Variants in ABI3BP observed in about 807,000 individuals in gnomAD.
ABI3BP encodes target of Nesh-SH3.
Under a neutral mutation model 268.6 loss-of-function variants are expected in ABI3BP, and 216 were observed. The ratio of observed to expected loss-of-function variants is 0.80; its 90% CI spans 0.72 to 0.90. The LOEUF is 0.90. Ranked by LOEUF, ABI3BP falls within the 40% of genes least tolerant of loss-of-function variation. The probability of loss-of-function intolerance (pLI) is 0.00; values close to 1 mark genes in which losing one functional copy is unlikely to be tolerated. For missense variants in ABI3BP, 2,090 were observed against 2,182.4 expected (o/e 0.96, Z 0.84); for synonymous variants, 730 against 730.0 (o/e 1.00, Z 0.00).
rs1315044502 is a variant in ABI3BP, at chr3:100,866,823, T to C, written c.988+56A>G. The C allele has an allele frequency of 4.1e-6, 6 of 1,464,846 alleles. 1 individual carries two copies. In the East Asian group the frequency reaches 1.4e-4, roughly 33 times the overall value. 90.7% of individuals were successfully genotyped at this position (1,464,846 alleles called of 1,614,324 possible). ...CTGAAAAAAAGACTGCAGATTAGTA[T>C]TTGAAAAAAAGCATTTTTTCTTTTC... On this transcript the variant is annotated intron_variant, in intron 10 of 67. Transcript: ENST00000471714.
Position 100,816,778 on chromosome 3 carries a change from G to A in ABI3BP, c.3149-10C>T. ...CGTTGTGTTTTAGGAGCTGAAGGAA[G>A]AAACTTTGGATTACTCTAGTGCAGG... On this transcript the variant is annotated splice_polypyrimidine_tract_variant and intron_variant, in intron 42 of 67. Transcript: ENST00000471714. 6.5e-7 allele frequency: 1 copy of A among 1,535,350 alleles called. No individual in the cohort carries two copies. The highest frequency in any genetic ancestry group is 8.7e-7 in the Non-Finnish European group (1 of 1,146,374).
intron 9 of ABI3BP, among the ~76,000 whole-genome samples, chr3:100,872,503 C>T (rs1033620487): frequency 3.9e-5 from 6 of 152,294 alleles, no homozygotes; most frequent in Admixed American, 6.5e-5. Context: ...GTCTGAGAAA[C>T]AACTCTGCTC....
At chr3:100,853,253 A>T (rs1335393707) in intron 14 of ABI3BP, among the ~76,000 whole-genome samples, 3 of 152,210 alleles carry the variant, frequency 2.0e-5, no homozygotes, top group Non-Finnish European at 4.4e-5. Context: ...TGAGTTAAAG[A>T]TATGCACACA....
intron 14 of ABI3BP, among the ~76,000 whole-genome samples, chr3:100,859,394 C>A (rs1370301222): frequency 1.3e-5 from 2 of 152,116 alleles, no homozygotes; most frequent in Non-Finnish European, 2.9e-5. Flanking sequence ...TATTATGTTT[C>A]TTTAAAAGAT....
chr3:100,888,437 T>C (rs17338506), intron 4 of ABI3BP, among the ~76,000 whole-genome samples: 15,027 of 152,104 alleles, frequency 0.099, 1,040 homozygotes, highest in Non-Finnish European at 0.15. Flanking sequence ...AACAAAATTA[T>C]GCATCTCTAG....
At chr3:100,886,372 A>T (rs778260763) in intron 4 of ABI3BP, 49 bp from the exon 5 acceptor site, 2 of 1,286,172 alleles carry the variant, frequency 1.6e-6, no homozygotes, top group African/African-American at 3.1e-5. Flanking sequence ...AGGGATTCAG[A>T]ATGTTATTTC....
In ABI3BP at chr3:100,789,509, G is replaced by A; in HGVS notation, c.4032C>T (p.His1344=). 6.3e-7 allele frequency: 1 copy of A among 1,593,762 alleles called. No homozygotes were observed. The highest frequency in any genetic ancestry group is 1.1e-5 in the South Asian group (1 of 87,624). ...TELAKTTQAP[H]RFYTTVRPRT... ...TGGGCCTCACAGTAGTATAAAATCT[G>A]TGTGGCGCTGAAACAGAGGAACACT... Residue 1344 remains histidine (H), a synonymous_variant, in exon 56 of 68, where the codon CAC becomes CAT. Coordinates refer to ENST00000471714, the MANE Select transcript of ABI3BP (RefSeq NM_001375547.2).
At chr3:100,913,424 A>C (rs918293327) in intron 2 of ABI3BP, among the ~76,000 whole-genome samples, 18 of 152,208 alleles carry the variant, frequency 1.2e-4, no homozygotes, top group Admixed American at 1.1e-3. Flanking sequence ...GCAGCAACTG[A>C]AAGTCTGGAC....
At chr3:100,844,572 A>G (rs2098746190) in intron 20 of ABI3BP, 1 of 394,444 alleles carries the variant, frequency 2.5e-6, no homozygotes, top group African/African-American at 2.2e-5. Context: ...TGCTCTTCCA[A>G]ACCTTGGCTA....
intron 41 of ABI3BP, 28 bp from the exon 42 acceptor site, chr3:100,817,523 A>G: frequency 1.4e-6 from 2 of 1,388,310 alleles, no homozygotes; most frequent in Admixed American, 2.4e-5. Flanking sequence ...AATAAAGCAA[A>G]AAGATTTAAC....
chr3:100,787,103 C>T (rs1335821856), intron 57 of ABI3BP, among the ~76,000 whole-genome samples: 1 of 151,882 alleles, frequency 6.6e-6, no homozygotes, highest in Non-Finnish European at 1.5e-5. Flanking sequence ...AAATAACTAC[C>T]ATTTATCCAT....
chr3:100,776,518 A>G (rs548607635), intron 59 of ABI3BP, among the ~76,000 whole-genome samples: 11 of 152,326 alleles, frequency 7.2e-5, no homozygotes, highest in African/African-American at 2.6e-4. Context: ...GGCACATGTC[A>G]CATGGTGGCA....
chr3:100,936,512 C>T (rs1049265755), intron 1 of ABI3BP, among the ~76,000 whole-genome samples: 2 of 152,030 alleles, frequency 1.3e-5, no homozygotes, highest in South Asian at 2.1e-4. Flanking sequence ...GGGAGAAATC[C>T]CTCTTTTTTT....
At chr3:100,877,558 T>C (rs2099173370) in intron 6 of ABI3BP, among the ~76,000 whole-genome samples, 1 of 152,108 alleles carries the variant, frequency 6.6e-6, no homozygotes, top group African/African-American at 2.4e-5. Context: ...TAGCCTGACC[T>C]AGGGATGGGT....
intron 51 of ABI3BP, among the ~76,000 whole-genome samples, chr3:100,802,342 C>T (rs1309304034): frequency 6.6e-6 from 1 of 152,154 alleles, no homozygotes; most frequent in Non-Finnish European, 1.5e-5. Flanking sequence ...AGGTTGACCA[C>T]AAAGCCAAGA....
At chr3:100,754,785 T>A (rs2095528135) in intron 63 of ABI3BP, 94 bp from the exon 64 acceptor site, 1 of 1,005,724 alleles carries the variant, frequency 9.9e-7, no homozygotes, top group Non-Finnish European at 1.5e-6. Context: ...TATACTGACA[T>A]CCCTTTGAAA....
At chr3:100,980,288 G>A (rs1408934291) in intron 1 of ABI3BP, among the ~76,000 whole-genome samples, 2 of 151,980 alleles carry the variant, frequency 1.3e-5, no homozygotes, top group Non-Finnish European at 2.9e-5. Flanking sequence ...CTGGAGTGTA[G>A]GGCATGATCT....
At chr3:100,906,531 T>C (rs573846683) in intron 2 of ABI3BP, among the ~76,000 whole-genome samples, 21 of 152,350 alleles carry the variant, frequency 1.4e-4, no homozygotes, top group Admixed American at 6.5e-4. Flanking sequence ...AATATATACA[T>C]TGTAGACTGA....
chr3:100,982,292 T>C (rs778009072), intron 1 of ABI3BP, among the ~76,000 whole-genome samples: 36 of 152,142 alleles, frequency 2.4e-4, no homozygotes, highest in Admixed American at 1.1e-3. Context: ...CCAAACTATA[T>C]TGGCAGGTAA....
Sources: gnomAD v4.1 joint callset for allele counts (sites outside exome capture counted in the v4.1 genomes callset) on GRCh38, gnomAD v4.1.1 for gene constraint, MANE v1.5 for transcripts, NCBI Gene and HGNC (gene_info 2026-07-23, HGNC 2026-07-21) for gene names.